PCDHA9: variants seen among roughly 807,000 people sequenced by gnomAD.
The protein encoded by PCDHA9 is protocadherin alpha-9.
Under a neutral mutation model 62.0 loss-of-function variants are expected in PCDHA9, and 62 were observed. The ratio of observed to expected loss-of-function variants is 1.00; its 90% CI spans 0.81 to 1.23. The LOEUF (loss-of-function observed/expected upper bound fraction) is 1.23, where lower values mean the gene tolerates loss of function less well. Ranked by LOEUF, PCDHA9 falls within the 50% of genes most tolerant of loss-of-function variation. The pLI, the probability that PCDHA9 is intolerant of heterozygous loss-of-function variation, is 0.00. For synonymous variants in PCDHA9, 557 were observed against 567.6 expected (o/e 0.98, Z 0.27); for missense variants, 1,205 against 1,249.8 (o/e 0.96, Z 0.54).
intron 1 of PCDHA9, among the ~76,000 whole-genome samples, chr5:140,912,641 G>C (rs2076009138): frequency 6.6e-6 from 1 of 152,128 alleles, no homozygotes; most frequent in African/African-American, 2.4e-5. Flanking sequence ...TCAGTACTAT[G>C]TTGAATAGAA....
intron 1 of PCDHA9, chr5:140,863,957 G>A (rs2048253350): frequency 6.4e-6 from 1 of 157,074 alleles, no homozygotes; most frequent in Non-Finnish European, 1.4e-5. Flanking sequence ...GCCTAGATTA[G>A]GCCACTGCAC....
intron 1 of PCDHA9, chr5:140,859,188 C>T (rs2045759773): frequency 6.7e-6 from 1 of 149,820 alleles, no homozygotes; most frequent in Non-Finnish European, 1.5e-5. Flanking sequence ...TTAGGCATTG[C>T]TTATGATATT....
chr5:140,916,161 G>C (rs1469456505), intron 1 of PCDHA9, among the ~76,000 whole-genome samples: 2 of 152,084 alleles, frequency 1.3e-5, no homozygotes, highest in African/African-American at 2.4e-5. Flanking sequence ...GGTGAATGCT[G>C]CCAGGCCTGG....
chr5:140,945,124 C>T (rs269553), intron 1 of PCDHA9, among the ~76,000 whole-genome samples: 48,193 of 151,846 alleles, frequency 0.32, 7,977 homozygotes, highest in East Asian at 0.53. Flanking sequence ...AAAAAATCAA[C>T]TTACAAAAAT....
chr5:140,995,334 T>C (rs2097677447), intron 3 of PCDHA9, among the ~76,000 whole-genome samples: 1 of 152,184 alleles, frequency 6.6e-6, no homozygotes, highest in Non-Finnish European at 1.5e-5. Context: ...GTGAGTAGTG[T>C]AGACGGCATG....
At chr5:140,926,925 G>A (rs1554203816) in intron 1 of PCDHA9, 1 of 1,574,118 alleles carries the variant, frequency 6.4e-7, no homozygotes, top group Admixed American at 1.8e-5. Flanking sequence ...TTTTATGTTT[G>A]TGGGTTTCCT....
chr5:140,923,189 C>T (rs1452451112), intron 1 of PCDHA9, among the ~76,000 whole-genome samples: 4 of 152,092 alleles, frequency 2.6e-5, no homozygotes, highest in Admixed American at 6.5e-5. Context: ...GCATCTACTG[C>T]AGCAATTTGG....
At chr5:140,925,382 C>A (rs2082461008) in intron 1 of PCDHA9, among the ~76,000 whole-genome samples, 1 of 152,078 alleles carries the variant, frequency 6.6e-6, no homozygotes, top group Non-Finnish European at 1.5e-5. Flanking sequence ...GTCAATGAGT[C>A]TCCTTTTGGC....
intron 1 of PCDHA9, among the ~76,000 whole-genome samples, chr5:140,886,622 C>T (rs1483241958): frequency 6.6e-6 from 1 of 151,430 alleles, no homozygotes; most frequent in Non-Finnish European, 1.5e-5. Context: ...GATCAGGAGT[C>T]CGAGACCAGC....
intron 1 of PCDHA9, among the ~76,000 whole-genome samples, chr5:140,924,739 ACAAAAATTAACCGAG>A (rs2081980485): frequency 6.6e-6 from 1 of 151,884 alleles, no homozygotes; most frequent in Non-Finnish European, 1.5e-5. Flanking sequence ...TAATAAAAAT[ACAAAAATTAACCGAG>A]CATGGTGGTG....
At position 140,855,973 on chromosome 5, in the gene PCDHA9, T is replaced by A. The variant is rs371048948; in HGVS notation, c.2394+5084T>A. ...TTCGATAAAAAATAGATATAAGAAATAGGACAGAAAATGTCAGATCGTATG... is the reference window on the plus strand; with the variant it reads ...TTCGATAAAAAATAGATATAAGAAAAAGGACAGAAAATGTCAGATCGTATG... On this transcript the variant is annotated intron_variant, in intron 1 of 3. Coordinates refer to ENST00000532602, the MANE Select transcript of PCDHA9 (RefSeq NM_031857.2). 71 of 1,440,548 alleles carry A rather than the reference T, an allele frequency of 4.9e-5. 4 individuals are homozygous for A. The Middle Eastern group carries it at 9.2e-4, about 19-fold the overall frequency. The allele number at this position is 1,440,548 out of a possible 1,614,324, so 89.2% of individuals were successfully genotyped here.
intron 1 of PCDHA9, among the ~76,000 whole-genome samples, chr5:140,963,050 G>A (rs2095732681): frequency 6.6e-6 from 1 of 152,030 alleles, no homozygotes; most frequent in African/African-American, 2.4e-5. Flanking sequence ...AGTCTATAAG[G>A]GTTTCTACAT....
intron 1 of PCDHA9, among the ~76,000 whole-genome samples, chr5:140,908,266 C>T (rs1281456045): frequency 1.3e-5 from 2 of 152,144 alleles, no homozygotes; most frequent in African/African-American, 4.8e-5. Context: ...AGGGAACTCC[C>T]CATGAGGCCA....
intron 1 of PCDHA9, among the ~76,000 whole-genome samples, chr5:140,944,182 G>T (rs542395513): frequency 1.3e-5 from 2 of 152,052 alleles, no homozygotes; most frequent in South Asian, 2.1e-4. Flanking sequence ...TTTTTTGTTG[G>T]TTTGTTTTGT....
chr5:140,969,292 C>G, intron 1 of PCDHA9: 2 of 1,614,208 alleles, frequency 1.2e-6, no homozygotes, highest in Non-Finnish European at 1.7e-6. Context: ...ATGCTGGGAA[C>G]CTGATTATTC....
At chr5:140,893,657 A>T (rs1046030357) in intron 1 of PCDHA9, among the ~76,000 whole-genome samples, 19 of 152,126 alleles carry the variant, frequency 1.2e-4, no homozygotes, top group Non-Finnish European at 2.2e-4. Context: ...TGATAGTTTT[A>T]AAAAATTTCA....
chr5:140,984,178 A>C (rs2097090747), intron 3 of PCDHA9, among the ~76,000 whole-genome samples: 1 of 152,184 alleles, frequency 6.6e-6, no homozygotes, highest in South Asian at 2.1e-4. Context: ...AGCCACGTGA[A>C]ATCATGACTT....
intron 1 of PCDHA9, chr5:140,863,284 G>A (rs1554158061): frequency 1.4e-6 from 2 of 1,461,880 alleles, no homozygotes; most frequent in Non-Finnish European, 1.9e-6. Flanking sequence ...GGATGTCAAC[G>A]TGTACCTGAT....
intron 1 of PCDHA9, among the ~76,000 whole-genome samples, chr5:140,894,474 T>C (rs1333675195): frequency 6.6e-6 from 1 of 152,022 alleles, no homozygotes; most frequent in Non-Finnish European, 1.5e-5. Flanking sequence ...TTATTCTTGT[T>C]TTCATCTTAT....
Sources: gnomAD v4.1 joint callset for allele counts (sites outside exome capture counted in the v4.1 genomes callset) on GRCh38, gnomAD v4.1.1 for gene constraint, MANE v1.5 for transcripts, NCBI Gene and HGNC (gene_info 2026-07-23, HGNC 2026-07-21) for gene names.